The following FRYL variants were observed in gnomAD, a reference collection of about 807,000 sequenced individuals.
FRYL encodes the protein protein furry homolog-like.
FRYL carries 150 observed loss-of-function variants against 351.2 expected under a neutral mutation model. The observed-to-expected ratio is 0.43, with a 90% CI of 0.37 to 0.49. FRYL has a LOEUF of 0.49. FRYL is among the 20% of genes least tolerant of loss of function. The pLI is 0.00. For synonymous variants in FRYL, 1,153 were observed against 1,257.1 expected, an observed-to-expected ratio of 0.92 and a Z score of 1.75; for missense variants, 3,036 against 3,619.3, an observed-to-expected ratio of 0.84 and a Z score of 4.13.
intron 1 of FRYL, among the ~76,000 whole-genome samples, chr4:48,760,204 C>T (rs1437755771): frequency 6.6e-6 from 1 of 152,046 alleles, no homozygotes; most frequent in African/African-American, 2.4e-5. Context: ...CTCTGTGGCC[C>T]AGGCTGGAGT....
At chr4:48,676,768 C>A (rs1206654272) in intron 3 of FRYL, among the ~76,000 whole-genome samples, 1 of 152,170 alleles carries the variant, frequency 6.6e-6, no homozygotes, top group Non-Finnish European at 1.5e-5. Flanking sequence ...GTATACTTTC[C>A]TGGCCTATGT....
At position 48,589,731 on chromosome 4, in the gene FRYL, A is replaced by C; in HGVS notation, c.1640+14T>G. 1 of 1,610,352 alleles carries C rather than the reference A, an allele frequency of 6.2e-7. No individual in the cohort carries two copies. The highest frequency in any genetic ancestry group is 8.5e-7 in the Non-Finnish European group (1 of 1,178,562). On this transcript the variant is annotated intron_variant, in intron 18 of 63. Transcript: ENST00000358350. ...AACTGAAATAGCAATGAAGGCACAT[A>C]ATTTACTACATACGTAATCATGTCT... is the stretch of plus-strand genomic sequence containing the variant.
At chr4:48,670,765 A>G (rs1334102180) in intron 3 of FRYL, among the ~76,000 whole-genome samples, 1 of 152,154 alleles carries the variant, frequency 6.6e-6, no homozygotes, top group Non-Finnish European at 1.5e-5. Flanking sequence ...TGTTGCTGCA[A>G]GTGACAGAAT....
chr4:48,511,079 TA>T (rs1449133172), intron 57 of FRYL, 95 bp from the exon 58 acceptor site: 6 of 682,644 alleles, frequency 8.8e-6, no homozygotes, highest in Non-Finnish European at 1.5e-5. Flanking sequence ...ACTTTTATTT[TA>T]AAATTATAAT....
At position 48,780,095 on chromosome 4, in the gene FRYL, A is replaced by T. The variant is rs1251292537; in HGVS notation, c.-401T>A. Reference sequence around the variant, plus strand: ...ACACCTACCCGTTCCCAGTCCTAGTACAGCTGCCTCGCTCCTCCAGCGCCG... The same window carrying T: ...ACACCTACCCGTTCCCAGTCCTAGTTCAGCTGCCTCGCTCCTCCAGCGCCG... On this transcript the variant is annotated 5_prime_UTR_variant, in exon 1 of 64. Transcript: ENST00000358350. The T allele has an allele frequency of 6.5e-6, 1 of 153,772 alleles. No homozygotes were observed. Among genetic ancestry groups the T allele is most frequent in the Non-Finnish European group, 1.4e-5 (1 of 69,250 alleles). 9.5% of individuals were successfully genotyped at this position (153,772 alleles called of 1,614,324 possible).
Position 48,547,776 on chromosome 4 carries a change from A to C in FRYL, c.4889-7T>G. 1 of 1,442,488 alleles carries C rather than the reference A, an allele frequency of 6.9e-7. No homozygotes were observed. Among genetic ancestry groups the C allele is most frequent in the Non-Finnish European group, 9.3e-7 (1 of 1,079,768 alleles). The allele number at this position is 1,442,488 out of a possible 1,614,324, so 89.4% of individuals were successfully genotyped here. A position where few individuals can be genotyped will look rare whatever the true frequency, so the allele number is the denominator to read the frequency against. On this transcript the variant is annotated splice_region_variant and splice_polypyrimidine_tract_variant and intron_variant, in intron 40 of 63. Coordinates refer to ENST00000358350, the MANE Select transcript of FRYL (RefSeq NM_015030.2). ...GGGTGGCAGTGGTCAAACCCTAAAA[A>C]GGATAGTAGAGAAACATTATCAATA...
intron 55 of FRYL, among the ~76,000 whole-genome samples, chr4:48,518,425 A>G (rs989350274): frequency 6.6e-6 from 1 of 152,152 alleles, no homozygotes; most frequent in Admixed American, 6.5e-5. Context: ...TTCACTACCA[A>G]CAATGAGGCT....
At chr4:48,676,307 A>T (rs1412952903) in intron 3 of FRYL, among the ~76,000 whole-genome samples, 15 of 152,136 alleles carry the variant, frequency 9.9e-5, no homozygotes, top group Admixed American at 3.9e-4. Context: ...GAAGGTCTGC[A>T]GCTTCACTCC....
chr4:48,621,490 T>C (rs909032266), intron 5 of FRYL, among the ~76,000 whole-genome samples: 2 of 152,216 alleles, frequency 1.3e-5, no homozygotes, highest in Non-Finnish European at 2.9e-5. Flanking sequence ...CAGCAGTCCC[T>C]AAGGTCACTC....
At chr4:48,515,882 T>C (rs1723484502) in intron 55 of FRYL, among the ~76,000 whole-genome samples, 1 of 152,206 alleles carries the variant, frequency 6.6e-6, no homozygotes, top group Non-Finnish European at 1.5e-5. Context: ...AGTAAAACTT[T>C]GTATTATTAG....
intron 2 of FRYL, among the ~76,000 whole-genome samples, chr4:48,708,358 T>C (rs183802547): frequency 2.0e-5 from 3 of 152,142 alleles, no homozygotes; most frequent in African/African-American, 4.8e-5. Context: ...TCCCAGCTAC[T>C]CGGGTGGCTG....
chr4:48,760,661 T>C (rs1172286410), intron 1 of FRYL, among the ~76,000 whole-genome samples: 1 of 152,048 alleles, frequency 6.6e-6, no homozygotes, highest in East Asian at 1.9e-4. Flanking sequence ...AGTATGATGT[T>C]AACTGTAGAT....
At chr4:48,674,736 C>CAAAAAAAAAA (rs58696045) in intron 3 of FRYL, among the ~76,000 whole-genome samples, 8 of 55,776 alleles carry the variant, frequency 1.4e-4, no homozygotes, top group African/African-American at 5.7e-4. Context: ...GACTCTGTCT[C>CAAAAAAAAAA]AAAAAAAAAA....
At chr4:48,770,609 G>A (rs1464437337) in intron 1 of FRYL, among the ~76,000 whole-genome samples, 1 of 151,772 alleles carries the variant, frequency 6.6e-6, no homozygotes, top group African/African-American at 2.4e-5. Context: ...GGCTAATTTT[G>A]TATTTTTAGT....
chr4:48,705,633 A>G (rs1266682185), intron 2 of FRYL, among the ~76,000 whole-genome samples: 1 of 152,068 alleles, frequency 6.6e-6, no homozygotes, highest in Non-Finnish European at 1.5e-5. Context: ...TTGGAACCAT[A>G]AAACTATTAT....
intron 4 of FRYL, among the ~76,000 whole-genome samples, chr4:48,624,779 G>A (rs1374407832): frequency 2.0e-5 from 3 of 152,212 alleles, no homozygotes; most frequent in Non-Finnish European, 4.4e-5. Context: ...TGTGAATCAG[G>A]AGCCTGAGTA....
chr4:48,543,898 C>G lies in FRYL; in HGVS notation c.5501G>C (p.Arg1834Thr). 2 of 1,613,904 alleles carry G rather than the reference C, an allele frequency of 1.2e-6. No homozygotes were observed. Among genetic ancestry groups the G allele is most frequent in the Non-Finnish European group, 1.7e-6 (2 of 1,179,858 alleles). ...TGCAGTGAGAGGCTGCTTTAGGGCCCTGAAAATCTGAAAGGATCTCCCAGC... is the reference window on the plus strand; with the variant it reads ...TGCAGTGAGAGGCTGCTTTAGGGCCGTGAAAATCTGAAAGGATCTCCCAGC... The part of the protein sequence containing the change: ...HYAGRSFQIF[R>T]ALKQPLTATT... The change falls in exon 44 of 64, where the codon AGG (arginine) becomes ACG (threonine). Residue 1834 changes from arginine to threonine, a missense_variant. Transcript: ENST00000358350.
chr4:48,734,600 A>AT (rs1196591657), intron 1 of FRYL, among the ~76,000 whole-genome samples: 3 of 152,240 alleles, frequency 2.0e-5, no homozygotes, highest in Non-Finnish European at 4.4e-5. Context: ...CAGGTTACAC[A>AT]TTCTTCTCAA....
At chr4:48,771,566 T>C (rs1349195015) in intron 1 of FRYL, among the ~76,000 whole-genome samples, 1 of 152,214 alleles carries the variant, frequency 6.6e-6, no homozygotes, top group African/African-American at 2.4e-5. Flanking sequence ...AGACAATTTT[T>C]AGAGGTTTAT....
Sources: allele counts gnomAD v4.1 joint callset (sites outside exome capture counted in the v4.1 genomes callset), GRCh38; gene constraint gnomAD v4.1.1; transcripts MANE v1.5; gene names NCBI Gene and HGNC (gene_info 2026-07-23, HGNC 2026-07-21).